COX7B2: variants seen among roughly 807,000 people sequenced by gnomAD.
The protein encoded by COX7B2 is cytochrome c oxidase subunit 7B2.
For missense variants in COX7B2, 109 were observed against 95.9 expected (o/e 1.14, Z -0.57); for synonymous variants, 37 against 32.1 (o/e 1.15, Z -0.51).
At chr4:46,858,883 C>G (rs1043009197) in intron 1 of COX7B2, among the ~76,000 whole-genome samples, 1 of 152,158 alleles carries the variant, frequency 6.6e-6, no homozygotes, top group African/African-American at 2.4e-5. Flanking sequence ...TTTTAAAAGT[C>G]ATTTCACAAA....
chr4:46,806,896 T>G (rs1360090523), intron 2 of COX7B2, among the ~76,000 whole-genome samples: 4 of 152,036 alleles, frequency 2.6e-5, no homozygotes, highest in South Asian at 4.1e-4. Context: ...TACACACTAC[T>G]ATTTATTTAT....
intron 2 of COX7B2, among the ~76,000 whole-genome samples, chr4:46,761,183 C>A (rs1252808810): frequency 6.6e-6 from 1 of 152,132 alleles, no homozygotes; most frequent in Non-Finnish European, 1.5e-5. Context: ...GTGGGTAGAA[C>A]AAGCTTTTAA....
chr4:46,735,148 A>C lies in COX7B2; in HGVS notation c.45T>G (p.Ile15Met). 1 of 1,613,456 alleles carries C rather than the reference A, an allele frequency of 6.2e-7. No individual in the cohort carries two copies. Among genetic ancestry groups the C allele is most frequent in the South Asian group, 1.1e-5 (1 of 90,984 alleles). The stretch of plus-strand genomic sequence containing the variant: ...TTGCCATGCTTTGCAGAATGCTTTG[A>C]ATCTTGAGACTGCTTAGTGCATTTC... ...LARNALSSLK[I>M]QSILQSMARH... The change falls in exon 3 of 3, where the codon ATT (isoleucine) becomes ATG (methionine). Residue 15 changes from isoleucine (I) to methionine (M), a missense_variant. Coordinates refer to ENST00000355591, the MANE Select transcript of COX7B2 (RefSeq NM_130902.3).
intron 1 of COX7B2, among the ~76,000 whole-genome samples, chr4:46,862,318 T>C (rs534476863): frequency 2.6e-4 from 39 of 152,338 alleles, no homozygotes; most frequent in South Asian, 6.2e-4. Context: ...GAAGAAATAA[T>C]TGAATCCAGC....
intron 2 of COX7B2, among the ~76,000 whole-genome samples, chr4:46,803,356 A>G (rs1718767363): frequency 6.6e-6 from 1 of 152,206 alleles, no homozygotes; most frequent in South Asian, 2.1e-4. Flanking sequence ...CAGGGTTGCC[A>G]GATAAAAAAT....
chr4:46,771,246 T>C (rs1716860660), intron 2 of COX7B2, among the ~76,000 whole-genome samples: 1 of 152,064 alleles, frequency 6.6e-6, no homozygotes, highest in African/African-American at 2.4e-5. Context: ...GAAATGCACA[T>C]CAAAACTATA....
chr4:46,836,526 G>A (rs1006694532), intron 2 of COX7B2, among the ~76,000 whole-genome samples: 2 of 151,550 alleles, frequency 1.3e-5, no homozygotes, highest in Non-Finnish European at 2.9e-5. Flanking sequence ...TCTCTTGTGA[G>A]AACAATGCTT....
At chr4:46,810,755 G>A (rs1230550929) in intron 2 of COX7B2, among the ~76,000 whole-genome samples, 1 of 152,084 alleles carries the variant, frequency 6.6e-6, no homozygotes, top group Non-Finnish European at 1.5e-5. Flanking sequence ...ATTTTCATAT[G>A]TATTAATGAT....
chr4:46,831,783 T>C (rs796747772), intron 2 of COX7B2, among the ~76,000 whole-genome samples: 11 of 152,234 alleles, frequency 7.2e-5, no homozygotes, highest in African/African-American at 2.6e-4. Context: ...ACTCTGTGTC[T>C]AGCTCAAGGT....
chr4:46,811,354 C>T (rs539430569), intron 2 of COX7B2, among the ~76,000 whole-genome samples: 2 of 150,610 alleles, frequency 1.3e-5, no homozygotes, highest in African/African-American at 4.9e-5. Flanking sequence ...TTTTAATTTT[C>T]CTTTGAGTCA....
At chr4:46,819,404 A>T (rs993676118) in intron 2 of COX7B2, among the ~76,000 whole-genome samples, 1 of 152,146 alleles carries the variant, frequency 6.6e-6, no homozygotes, top group African/African-American at 2.4e-5. Context: ...ACTAAAAGAG[A>T]CAACAATTAC....
At chr4:46,742,593 T>C (rs1000978473) in intron 2 of COX7B2, among the ~76,000 whole-genome samples, 1 of 152,138 alleles carries the variant, frequency 6.6e-6, no homozygotes, top group Non-Finnish European at 1.5e-5. Flanking sequence ...AGTCACTGAA[T>C]TGATGGATAG....
chr4:46,876,524 C>A (rs527334436), intron 1 of COX7B2: 83 of 151,894 alleles, frequency 5.5e-4, no homozygotes, highest in Non-Finnish European at 1.0e-3. Flanking sequence ...CCTGCCTCAG[C>A]CTCCCACATA....
intron 2 of COX7B2, among the ~76,000 whole-genome samples, chr4:46,764,690 A>T (rs1173532849): frequency 6.6e-6 from 1 of 152,078 alleles, no homozygotes; most frequent in Non-Finnish European, 1.5e-5. Context: ...AAAAAAAAAA[A>T]AAAAAAGTAG....
intron 1 of COX7B2, among the ~76,000 whole-genome samples, chr4:46,903,602 G>A (rs1378867763): frequency 6.6e-6 from 1 of 152,026 alleles, no homozygotes; most frequent in East Asian, 1.9e-4. Flanking sequence ...TAGTCCTGTA[G>A]GCTGCTCATT....
intron 2 of COX7B2, among the ~76,000 whole-genome samples, chr4:46,797,041 A>G (rs1718391054): frequency 1.0e-5 from 1 of 98,478 alleles, no homozygotes; most frequent in Non-Finnish European, 1.9e-5. Flanking sequence ...ATGTATACAT[A>G]TGTAACTAAC....
At position 46,734,971 on chromosome 4, in the gene COX7B2, G is replaced by T; in HGVS notation, c.222C>A (p.Thr74=). 6.2e-7 allele frequency: 1 copy of T among 1,613,896 alleles called. No homozygotes were observed. Residue 74 remains threonine, a synonymous_variant, in exon 3 of 3, where the codon ACC becomes ACA. Transcript: ENST00000355591. ...EWNLSPVGRV[T]PKEWKHQ ...GTTACTGATGTTTCCACTCTTTTGG[G>T]GTAACTCTGCCAACAGGGGATAGGT...
intron 1 of COX7B2, among the ~76,000 whole-genome samples, chr4:46,888,453 C>CA (rs1553897812): frequency 7.2e-6 from 1 of 138,400 alleles, no homozygotes; most frequent in African/African-American, 2.7e-5. Context: ...TTTTTTTTTT[C>CA]TTTTTTTTGA....
chr4:46,862,398 G>C (rs1425842427), intron 1 of COX7B2, among the ~76,000 whole-genome samples: 1 of 152,072 alleles, frequency 6.6e-6, no homozygotes, highest in Non-Finnish European at 1.5e-5. Context: ...AAGCAAATGG[G>C]TAAGTGTTCC....
Sources: allele counts gnomAD v4.1 joint callset (sites outside exome capture counted in the v4.1 genomes callset), GRCh38; gene constraint gnomAD v4.1.1; transcripts MANE v1.5; gene names NCBI Gene and HGNC (gene_info 2026-07-23, HGNC 2026-07-21).